Variants in KDM4C observed in about 807,000 individuals in gnomAD.
KDM4C encodes the protein lysine demethylase 4C.
Under a neutral mutation model 129.3 loss-of-function variants are expected in KDM4C, and 81 were observed. The ratio of observed to expected loss-of-function variants is 0.63; its 90% CI spans 0.52 to 0.75. The LOEUF is 0.75. Among genes scored for constraint, KDM4C ranks in the 30% least tolerant of loss-of-function variants. KDM4C has a pLI of 0.00. For missense variants in KDM4C, 1,457 were observed against 1,304.0 expected (o/e 1.12, Z -1.81); for synonymous variants, 573 against 456.1 (o/e 1.26, Z -3.26).
chr9:6,730,445 C>T (rs35465144), intron 1 of KDM4C, among the ~76,000 whole-genome samples: 13,075 of 151,790 alleles, frequency 0.086, 735 homozygotes, highest in Non-Finnish European at 0.12. Flanking sequence ...GAAACCCCAT[C>T]TCTACTAAAA....
At chr9:7,005,269 C>T (rs1422868103) in intron 12 of KDM4C, among the ~76,000 whole-genome samples, 4 of 152,056 alleles carry the variant, frequency 2.6e-5, no homozygotes, top group East Asian at 1.9e-4. Flanking sequence ...AACCCCATCT[C>T]TACTAAAAAT....
intron 12 of KDM4C, among the ~76,000 whole-genome samples, chr9:7,009,355 A>G (rs1455774993): frequency 6.6e-6 from 1 of 152,236 alleles, no homozygotes; most frequent in Non-Finnish European, 1.5e-5. Flanking sequence ...GTTCCATGAA[A>G]ATGGCAGGTA....
chr9:7,000,799 T>G (rs1381271243), intron 12 of KDM4C, among the ~76,000 whole-genome samples: 1 of 152,240 alleles, frequency 6.6e-6, no homozygotes, highest in East Asian at 1.9e-4. Context: ...TTAGCACATA[T>G]TTTGGTACAC....
At chr9:6,797,209 A>T (rs116624048) in intron 2 of KDM4C, among the ~76,000 whole-genome samples, 2,916 of 151,128 alleles carry the variant, frequency 0.019, 101 homozygotes, top group African/African-American at 0.066. Context: ...GTGGTCTTGA[A>T]CTCCTGAGCT....
chr9:6,766,720 T>G (rs1162169081), intron 1 of KDM4C, among the ~76,000 whole-genome samples: 2 of 152,010 alleles, frequency 1.3e-5, no homozygotes, highest in Non-Finnish European at 2.9e-5. Context: ...TCACATAGTT[T>G]TTGGTGACAG....
chr9:6,835,188 G>A, intron 4 of KDM4C: 4 of 933,800 alleles, frequency 4.3e-6, no homozygotes, highest in Non-Finnish European at 7.1e-6. Context: ...CTGACGGCCA[G>A]GTCATCACCA....
chr9:7,117,099 A>G (rs1838984491), intron 18 of KDM4C, among the ~76,000 whole-genome samples: 5 of 152,220 alleles, frequency 3.3e-5, no homozygotes, highest in Admixed American at 3.3e-4. Context: ...GAGGTTCAAC[A>G]GTCTTCAAAA....
At position 7,130,519 on chromosome 9, in the gene KDM4C, A is replaced by G. The variant is rs75196461; in HGVS notation, c.2781+2283A>G. Among the ~76,000 whole-genome samples, 779 of 152,322 alleles carry G rather than the reference A, an allele frequency of 5.1e-3. 7 individuals carry two copies. The highest frequency in any genetic ancestry group is 0.017 in the African/African-American group (703 of 41,578). Reference sequence around the variant, plus strand: ...GAAGAACACAGAAGCTAACCCGCAGAAGAGTTTTCTGGAGCGCATGCCATT... The same window carrying G: ...GAAGAACACAGAAGCTAACCCGCAGGAGAGTTTTCTGGAGCGCATGCCATT... On this transcript the variant is annotated intron_variant, in intron 19 of 21. Coordinates refer to ENST00000381309, the MANE Select transcript of KDM4C (RefSeq NM_015061.6).
At chr9:6,740,187 G>C (rs992395502) in intron 1 of KDM4C, among the ~76,000 whole-genome samples, 5 of 151,194 alleles carry the variant, frequency 3.3e-5, no homozygotes, top group African/African-American at 1.2e-4. Context: ...ACCACACCCA[G>C]CCTAATTTTT....
At chr9:6,834,980 C>T in intron 4 of KDM4C, 3 of 987,764 alleles carry the variant, frequency 3.0e-6, no homozygotes, top group Non-Finnish European at 3.3e-6. Context: ...CCACACCATC[C>T]TGCATCTGGA....
chr9:6,813,137 T>C (rs997749115), intron 3 of KDM4C, among the ~76,000 whole-genome samples: 17 of 152,062 alleles, frequency 1.1e-4, no homozygotes, highest in Non-Finnish European at 1.0e-4. Flanking sequence ...ATCGTGCCGC[T>C]GTACTCCAGC....
chr9:7,044,000 A>G (rs562208915), intron 15 of KDM4C, among the ~76,000 whole-genome samples: 1 of 151,414 alleles, frequency 6.6e-6, no homozygotes, highest in South Asian at 2.1e-4. Context: ...ATTGGATATC[A>G]TAATAGAGTA....
chr9:7,079,463 CAG>C (rs1484041528), intron 17 of KDM4C, among the ~76,000 whole-genome samples: 2 of 152,154 alleles, frequency 1.3e-5, no homozygotes, highest in East Asian at 3.9e-4. Context: ...GCTAGTACTA[CAG>C]GTGCATGCCA....
chr9:6,826,542 A>T (rs1833907311), intron 4 of KDM4C, among the ~76,000 whole-genome samples: 1 of 152,134 alleles, frequency 6.6e-6, no homozygotes, highest in Non-Finnish European at 1.5e-5. Flanking sequence ...TCCCATGATG[A>T]TAGATGTTCT....
chr9:7,139,780 A>G (rs867930814), intron 19 of KDM4C, among the ~76,000 whole-genome samples: 1 of 152,178 alleles, frequency 6.6e-6, no homozygotes, highest in Admixed American at 6.5e-5. Flanking sequence ...ATCTCATATC[A>G]TTATGTAAGC....
chr9:6,738,551 C>T (rs1817597511), intron 1 of KDM4C, among the ~76,000 whole-genome samples: 1 of 152,126 alleles, frequency 6.6e-6, no homozygotes, highest in Admixed American at 6.5e-5. Context: ...CCTCCTGCCT[C>T]AGCACCCTGG....
chr9:6,947,591 A>C (rs1827210465), intron 8 of KDM4C, among the ~76,000 whole-genome samples: 1 of 152,006 alleles, frequency 6.6e-6, no homozygotes, highest in Non-Finnish European at 1.5e-5. Flanking sequence ...AAACCCATCT[A>C]GTATTGTTTT....
At chr9:6,753,077 T>G (rs1818128396), upstream of KDM4C, among the ~76,000 whole-genome samples, 1 of 152,182 alleles carries the variant, frequency 6.6e-6, no homozygotes, top group Non-Finnish European at 1.5e-5. Flanking sequence ...CTAATCAGTA[T>G]CTCAAGAAGT....
At chr9:7,074,436 G>C (rs894863673) in intron 17 of KDM4C, among the ~76,000 whole-genome samples, 1 of 152,002 alleles carries the variant, frequency 6.6e-6, no homozygotes, top group African/African-American at 2.4e-5. Context: ...CAAAGTCCTG[G>C]GATTACGGGT....
Sources: allele counts gnomAD v4.1 joint callset (sites outside exome capture counted in the v4.1 genomes callset), GRCh38; gene constraint gnomAD v4.1.1; transcripts MANE v1.5; gene names NCBI Gene and HGNC (gene_info 2026-07-23, HGNC 2026-07-21).